The following SRRM3 variants were observed in gnomAD, a reference collection of about 807,000 sequenced individuals.
The protein encoded by SRRM3 is serine/arginine repetitive matrix protein 3.
SRRM3 carries 27 observed loss-of-function variants against 66.2 expected under a neutral mutation model. The observed-to-expected ratio is 0.41, with a 90% CI of 0.30 to 0.56. The LOEUF is 0.56. SRRM3 is among the 20% of genes least tolerant of loss of function. The pLI is 0.32. For synonymous variants in SRRM3, 391 were observed against 414.9 expected (o/e 0.94, Z 0.70); for missense variants, 918 against 991.9 (o/e 0.93, Z 1.00).
At chr7:76,234,433 T>A (rs1801090444) in intron 1 of SRRM3, among the ~76,000 whole-genome samples, 1 of 152,146 alleles carries the variant, frequency 6.6e-6, no homozygotes, top group African/African-American at 2.4e-5. Context: ...CCCGCTTATC[T>A]GGAATGTTGG....
chr7:76,248,297 C>A lies in SRRM3; in HGVS notation c.335+8C>A. On this transcript the variant is annotated splice_region_variant and intron_variant, in intron 3 of 14. Transcript: ENST00000611745. Reference sequence around the variant, plus strand: ...CCGGCCTGGGGGCCACATGTGAGTGCTTACCTGTGTGGGGATGAGGGAGAG... The same window carrying A: ...CCGGCCTGGGGGCCACATGTGAGTGATTACCTGTGTGGGGATGAGGGAGAG... 1 of 1,607,452 alleles carries A rather than the reference C, an allele frequency of 6.2e-7. No individual in the cohort carries two copies. Among genetic ancestry groups the A allele is most frequent in the Non-Finnish European group, 8.5e-7 (1 of 1,174,858 alleles).
chr7:76,259,888 C>T lies in SRRM3; in HGVS notation c.336-18C>T. 1.2e-6 allele frequency: 2 copies of T among 1,600,288 alleles called. No homozygotes were observed. Among genetic ancestry groups the T allele is most frequent in the East Asian group, 2.2e-5 (1 of 44,822 alleles). ...AAGTCGTCCCGAGACTGGTGGTGAG[C>T]GTCCCTGTCGCCGGCAGTGTGGCGG... On this transcript the variant is annotated intron_variant, in intron 3 of 14. Transcript: ENST00000611745.
Position 76,283,899 on chromosome 7 carries a change from G to C in SRRM3, c.1733+798G>C, listed in dbSNP as rs554293516. 534 of 954,822 alleles carry C rather than the reference G, an allele frequency of 5.6e-4. 4 individuals carry two copies. In the African/African-American group the frequency reaches 8.9e-3, roughly 16 times the overall value. 59.1% of individuals were successfully genotyped at this position (954,822 alleles called of 1,614,324 possible). On this transcript the variant is annotated intron_variant, in intron 14 of 14. Coordinates refer to ENST00000611745, the MANE Select transcript of SRRM3 (RefSeq NM_001110199.3). ...CCTAGATTACCCTGGCAGGGGGTTGGGGGGAACACAGGCAAAAAGTTCTGA... is the reference window on the plus strand; with the variant it reads ...CCTAGATTACCCTGGCAGGGGGTTGCGGGGAACACAGGCAAAAAGTTCTGA...
chr7:76,226,565 GTTATTTATTTAT>G (rs201770924), intron 1 of SRRM3, among the ~76,000 whole-genome samples: 10,375 of 148,268 alleles, frequency 0.07, 782 homozygotes, highest in African/African-American at 0.18. Flanking sequence ...AAGGTCTGGT[GTTATTTATTTAT>G]TTATTTATTT....
intron 2 of SRRM3, among the ~76,000 whole-genome samples, chr7:76,247,274 C>T (rs1801464789): frequency 6.6e-6 from 1 of 151,956 alleles, no homozygotes; most frequent in African/African-American, 2.4e-5. Context: ...CATTTGAGGC[C>T]CAGATATCAG....
At chr7:76,222,806 G>T (rs1163092206) in intron 1 of SRRM3, among the ~76,000 whole-genome samples, 3 of 151,758 alleles carry the variant, frequency 2.0e-5, no homozygotes, top group Non-Finnish European at 4.4e-5. Context: ...ATTTTTAGTG[G>T]AGACAGGCCA....
intron 1 of SRRM3, among the ~76,000 whole-genome samples, chr7:76,207,053 G>A (rs1488865560): frequency 2.6e-5 from 4 of 152,166 alleles, no homozygotes; most frequent in African/African-American, 9.7e-5. Flanking sequence ...ACAGGTAAAA[G>A]CAAGTTGTAC....
At chr7:76,209,196 G>A (rs568919204) in intron 1 of SRRM3, among the ~76,000 whole-genome samples, 1 of 152,254 alleles carries the variant, frequency 6.6e-6, no homozygotes, top group South Asian at 2.1e-4. Flanking sequence ...ATTTAATGAG[G>A]GCCTCCTGTT....
chr7:76,252,697 T>G (rs1301178335), intron 3 of SRRM3, among the ~76,000 whole-genome samples: 2 of 152,126 alleles, frequency 1.3e-5, no homozygotes, highest in Non-Finnish European at 2.9e-5. Context: ...CAAGTGATCC[T>G]CTCACCTTAG....
At chr7:76,239,921 T>G (rs1164654573) in intron 2 of SRRM3, among the ~76,000 whole-genome samples, 1 of 152,024 alleles carries the variant, frequency 6.6e-6, no homozygotes, top group Non-Finnish European at 1.5e-5. Flanking sequence ...CCCAGCACTT[T>G]GGGAGGCCAA....
chr7:76,264,691 A>G (rs1801964772), intron 8 of SRRM3, 74 bp from the exon 9 acceptor site: 2 of 1,504,302 alleles, frequency 1.3e-6, no homozygotes, highest in African/African-American at 1.4e-5. Flanking sequence ...ACACCTGAGT[A>G]TACCCAGGCT....
intron 2 of SRRM3, among the ~76,000 whole-genome samples, 180 bp downstream of exon 2, chr7:76,235,479 C>A (rs1801122013): frequency 6.6e-6 from 1 of 152,134 alleles, no homozygotes; most frequent in Admixed American, 6.5e-5. Context: ...AGACAAGAAG[C>A]CAGAGTTCAG....
At chr7:76,246,128 T>G (rs1363233565) in intron 2 of SRRM3, among the ~76,000 whole-genome samples, 3 of 152,170 alleles carry the variant, frequency 2.0e-5, no homozygotes, top group African/African-American at 7.2e-5. Context: ...AAATAAGCCT[T>G]AGTCATTACC....
intron 1 of SRRM3, among the ~76,000 whole-genome samples, chr7:76,223,323 G>T (rs1331726714): frequency 6.6e-6 from 1 of 152,164 alleles, no homozygotes; most frequent in Non-Finnish European, 1.5e-5. Context: ...TCAATATAAA[G>T]TGTTCAAGGC....
intron 11 of SRRM3, among the ~76,000 whole-genome samples, chr7:76,276,626 G>A (rs570270192): frequency 1.7e-4 from 26 of 152,286 alleles, no homozygotes; most frequent in Non-Finnish European, 3.4e-4. Flanking sequence ...TCCTGGAGGG[G>A]AGGTTCGGAG....
chr7:76,226,126 G>A (rs1287391748), intron 1 of SRRM3, among the ~76,000 whole-genome samples: 2 of 152,220 alleles, frequency 1.3e-5, no homozygotes, highest in African/African-American at 4.8e-5. Flanking sequence ...AGGCCTCTGT[G>A]CCTGTCAGCA....
intron 11 of SRRM3, among the ~76,000 whole-genome samples, chr7:76,270,522 A>G (rs1802181743): frequency 6.6e-6 from 1 of 150,598 alleles, no homozygotes; most frequent in African/African-American, 2.5e-5. Flanking sequence ...CTAAAAATAC[A>G]AAAATTCGGC....
chr7:76,273,948 G>T (rs953215885), intron 11 of SRRM3, among the ~76,000 whole-genome samples: 1 of 151,916 alleles, frequency 6.6e-6, no homozygotes, highest in African/African-American at 2.4e-5. Flanking sequence ...TCATTCTGTT[G>T]TCCGAATGCA....
intron 1 of SRRM3, among the ~76,000 whole-genome samples, chr7:76,224,275 T>C (rs1800800725): frequency 6.7e-6 from 1 of 149,794 alleles, no homozygotes; most frequent in African/African-American, 2.5e-5. Flanking sequence ...AGACCGGGTT[T>C]CACCATGTTG....
Sources: allele counts gnomAD v4.1 joint callset (sites outside exome capture counted in the v4.1 genomes callset), GRCh38; gene constraint gnomAD v4.1.1; transcripts MANE v1.5; gene names NCBI Gene and HGNC (gene_info 2026-07-23, HGNC 2026-07-21).